DENND1B: variants seen among roughly 807,000 people sequenced by gnomAD.
The protein encoded by DENND1B is DENN domain-containing protein 1B.
A neutral mutation model predicts 90.1 loss-of-function variants in DENND1B; 59 were observed. The ratio of observed to expected loss-of-function variants is 0.65; its 90% CI spans 0.53 to 0.81. The LOEUF (loss-of-function observed/expected upper bound fraction) is 0.81. DENND1B is among the 40% of genes least tolerant of loss of function. DENND1B has a pLI of 0.00. For missense variants in DENND1B, 862 were observed against 912.6 expected (o/e 0.94, Z 0.71); for synonymous variants, 337 against 324.6 (o/e 1.04, Z -0.41).
At chr1:197,726,660 T>C (rs1420792585) in intron 2 of DENND1B, among the ~76,000 whole-genome samples, 2 of 152,132 alleles carry the variant, frequency 1.3e-5, no homozygotes, top group Admixed American at 1.3e-4. Context: ...AGACAAGCAA[T>C]TCCTCAGTAC....
intron 3 of DENND1B, among the ~76,000 whole-genome samples, chr1:197,705,140 G>A (rs1424402084): frequency 1.3e-5 from 2 of 152,128 alleles, no homozygotes; most frequent in Non-Finnish European, 2.9e-5. Context: ...GCTAGTTAAG[G>A]AGAATGCAGT....
chr1:197,762,040 AGAAC>A (rs1270638663), intron 2 of DENND1B: 3 of 152,186 alleles, frequency 2.0e-5, no homozygotes, highest in African/African-American at 7.2e-5. Flanking sequence ...ATTGATAATC[AGAAC>A]AATCTTTTAC....
chr1:197,614,458 T>C (rs568378177), intron 11 of DENND1B, among the ~76,000 whole-genome samples: 1 of 151,142 alleles, frequency 6.6e-6, no homozygotes, highest in Admixed American at 6.6e-5. Flanking sequence ...TAGCCTTAAA[T>C]TTCCTAATTA....
rs145792713 is a variant in DENND1B, at chr1:197,616,521, C to T, written c.773+1138G>A. Among the ~76,000 whole-genome samples, 50 of 151,154 alleles carry T rather than the reference C, an allele frequency of 3.3e-4. No homozygotes were observed. The East Asian group carries it at 9.2e-3, about 28-fold the overall frequency. ...AGGTCACTGGGCACCTACTTCACAG[C>T]ATTATCAATACTAATAATATTACCA... is the stretch of plus-strand genomic sequence containing the variant. On this transcript the variant is annotated intron_variant, in intron 11 of 22. Coordinates refer to ENST00000620048, the MANE Select transcript of DENND1B (RefSeq NM_001195215.2).
intron 20 of DENND1B, among the ~76,000 whole-genome samples, chr1:197,527,630 T>C (rs910859641): frequency 6.6e-6 from 1 of 152,176 alleles, no homozygotes; most frequent in African/African-American, 2.4e-5. Context: ...ACATTTCAGC[T>C]TGATAACAGT....
chr1:197,558,556 C>T (rs955247468), intron 15 of DENND1B, among the ~76,000 whole-genome samples: 1 of 151,684 alleles, frequency 6.6e-6, no homozygotes, highest in Non-Finnish European at 1.5e-5. Context: ...TTTTCAATCA[C>T]GGGTCTGTTA....
Position 197,743,331 on chromosome 1 carries a change from T to C in DENND1B, c.83-28257A>G, listed in dbSNP as rs1246854054. On this transcript the variant is annotated intron_variant, in intron 2 of 22. Transcript: ENST00000620048. ...ACAAATTTTGTGGTTTCCTAGTGCA[T>C]ATAAAAGTTATGTTCACACTATACT... Among the ~76,000 whole-genome samples the C allele has an allele frequency of 3.9e-5, 6 of 152,234 alleles. No homozygotes were observed. The South Asian group carries it at 6.2e-4, about 16-fold the overall frequency.
chr1:197,514,989 A>G (rs1476060983), intron 20 of DENND1B, among the ~76,000 whole-genome samples: 1 of 151,690 alleles, frequency 6.6e-6, no homozygotes, highest in Non-Finnish European at 1.5e-5. Flanking sequence ...TTTTGAATGA[A>G]CAACAGTAAA....
At chr1:197,648,053 A>G (rs1680891007) in intron 7 of DENND1B, among the ~76,000 whole-genome samples, 1 of 152,196 alleles carries the variant, frequency 6.6e-6, no homozygotes, top group African/African-American at 2.4e-5. Flanking sequence ...TTATGAAAAT[A>G]ACTATTATAC....
chr1:197,650,520 C>T lies in DENND1B; in HGVS notation c.447+1715G>A, dbSNP rs772321562. Among the ~76,000 whole-genome samples, 3 of 152,166 alleles carry T rather than the reference C, an allele frequency of 2.0e-5. No individual in the cohort carries two copies. In the South Asian group the frequency reaches 6.2e-4, roughly 32 times the overall value. ...ATCTAGCAATCCCAGTACTGGGTAT[C>T]TATCAAGAGGAAAAAAGTCATTACA... On this transcript the variant is annotated intron_variant, in intron 7 of 22. Transcript: ENST00000620048.
At chr1:197,588,498 T>C (rs778889237) in intron 14 of DENND1B, among the ~76,000 whole-genome samples, 1 of 152,138 alleles carries the variant, frequency 6.6e-6, no homozygotes, top group Admixed American at 6.5e-5. Context: ...AAATGTGAAA[T>C]ATAATCCAAA....
chr1:197,562,026 G>A (rs1469950390), intron 15 of DENND1B, among the ~76,000 whole-genome samples: 1 of 151,666 alleles, frequency 6.6e-6, no homozygotes, highest in Non-Finnish European at 1.5e-5. Flanking sequence ...ACATATTCCA[G>A]GAAATCTACA....
intron 2 of DENND1B, among the ~76,000 whole-genome samples, chr1:197,770,832 C>A (rs1056169899): frequency 1.1e-4 from 10 of 88,682 alleles, no homozygotes; most frequent in African/African-American, 2.9e-4. Flanking sequence ...AAATATATAT[C>A]TATAAATATA....
chr1:197,671,856 G>T (rs944510015), intron 5 of DENND1B, among the ~76,000 whole-genome samples, 181 bp downstream of exon 5: 1 of 151,966 alleles, frequency 6.6e-6, no homozygotes, highest in Non-Finnish European at 1.5e-5. Flanking sequence ...TTCAAGGAAA[G>T]TTCCACTATG....
chr1:197,678,666 A>G (rs1179123636), intron 3 of DENND1B, among the ~76,000 whole-genome samples: 1 of 152,198 alleles, frequency 6.6e-6, no homozygotes, highest in Non-Finnish European at 1.5e-5. Context: ...TAACAGGGTG[A>G]TTAAATCAAA....
intron 14 of DENND1B, among the ~76,000 whole-genome samples, chr1:197,583,856 CA>C (rs1458352250): frequency 1.3e-5 from 2 of 152,160 alleles, no homozygotes; most frequent in African/African-American, 4.8e-5. Flanking sequence ...TCCAAACCAG[CA>C]AGGACTTAAA....
At chr1:197,548,886 G>A (rs1408692900) in intron 16 of DENND1B, among the ~76,000 whole-genome samples, 2 of 152,050 alleles carry the variant, frequency 1.3e-5, no homozygotes, top group Non-Finnish European at 2.9e-5. Flanking sequence ...TCGATGTTAT[G>A]AAAACATGGT....
chr1:197,573,990 C>A (rs891529392), intron 15 of DENND1B, among the ~76,000 whole-genome samples: 3 of 152,144 alleles, frequency 2.0e-5, no homozygotes, highest in African/African-American at 7.2e-5. Flanking sequence ...CAGCCAATAT[C>A]GTACTGAATG....
chr1:197,778,370 T>G (rs1288557760), upstream of DENND1B, among the ~76,000 whole-genome samples: 1 of 152,184 alleles, frequency 6.6e-6, no homozygotes, highest in East Asian at 1.9e-4. Context: ...AATTTGCATG[T>G]ATTAAAACTG....
Sources: allele counts gnomAD v4.1 joint callset (sites outside exome capture counted in the v4.1 genomes callset), GRCh38; gene constraint gnomAD v4.1.1; transcripts MANE v1.5; gene names NCBI Gene and HGNC (gene_info 2026-07-23, HGNC 2026-07-21).